The following CIT variants were observed in gnomAD, a reference collection of about 807,000 sequenced individuals.
CIT encodes the protein citron rho-interacting serine/threonine kinase.
Under a neutral mutation model 272.7 loss-of-function variants are expected in CIT, and 79 were observed. The observed-to-expected ratio is 0.29, with a 90% confidence interval of 0.24 to 0.35. The LOEUF is 0.35. Among genes scored for constraint, CIT ranks in the 10% least tolerant of loss-of-function variants. CIT has a pLI of 1.00. For missense variants in CIT, 1,909 were observed against 2,618.3 expected (o/e 0.73, Z 5.91); for synonymous variants, 948 against 995.6 (o/e 0.95, Z 0.90).
chr12:119,724,540 C>T (rs562594818), intron 28 of CIT, among the ~76,000 whole-genome samples: 53 of 152,170 alleles, frequency 3.5e-4, no homozygotes, highest in African/African-American at 1.3e-3. Flanking sequence ...CTATGAGGAG[C>T]GTTGGGGAAG....
At chr12:119,756,245 A>G (rs1960965701) in intron 22 of CIT, among the ~76,000 whole-genome samples, 1 of 152,218 alleles carries the variant, frequency 6.6e-6, no homozygotes, top group Non-Finnish European at 1.5e-5. Flanking sequence ...ATTTTGAACA[A>G]AGAATTGGAC....
chr12:119,826,570 G>A (rs774204251), intron 7 of CIT, among the ~76,000 whole-genome samples: 2 of 152,060 alleles, frequency 1.3e-5, no homozygotes, highest in African/African-American at 4.8e-5. Flanking sequence ...TTATTTTGAC[G>A]TTTTACTGAG....
intron 9 of CIT, among the ~76,000 whole-genome samples, chr12:119,820,740 G>T (rs763984402): frequency 6.2e-4 from 94 of 152,254 alleles, no homozygotes; most frequent in Middle Eastern, 6.8e-3. Context: ...GGAGGCCAAA[G>T]CAGGAGGATC....
rs1272452611 is a variant in CIT at position 119,688,019 on chromosome 12, C to T, written c.*213G>A. ...CAAAGAGATGACTGCAGGGAGGTGC[C>T]CAGGGCAGGCACCGGGCGCTGACAG... On this transcript the variant is annotated 3_prime_UTR_variant, in exon 48 of 48. Transcript: ENST00000392521. The T allele has an allele frequency of 6.6e-6, 4 of 608,894 alleles. No homozygotes were observed. The African/African-American group carries it at 7.4e-5, about 11-fold the overall frequency. 37.7% of individuals were successfully genotyped at this position (608,894 alleles called of 1,614,324 possible).
chr12:119,822,342 T>C (rs988404929), intron 9 of CIT, among the ~76,000 whole-genome samples: 1 of 152,260 alleles, frequency 6.6e-6, no homozygotes, highest in Non-Finnish European at 1.5e-5. Context: ...AGGTTTTACA[T>C]GCTTGTGAGC....
At position 119,728,683 on chromosome 12, in the gene CIT, A is replaced by G; in HGVS notation, c.3487-77T>C. 2 of 985,936 alleles carry G rather than the reference A, an allele frequency of 2.0e-6. No individual in the cohort carries two copies. The highest frequency in any genetic ancestry group is 3.1e-6 in the Non-Finnish European group (2 of 642,314). 61.1% of individuals were successfully genotyped at this position (985,936 alleles called of 1,614,324 possible). A position where few individuals can be genotyped will look rare whatever the true frequency, so the allele number is the denominator to read the frequency against. On this transcript the variant is annotated intron_variant, in intron 27 of 47. Transcript: ENST00000392521. The surrounding 1 kb of genome is among the most constrained non-coding windows in gnomAD (Gnocchi z 4.3). ...TGACAACGTTTATGAATGTCCACGA[A>G]CCTTCACGGAGAAAGAATATTGAGT... is the stretch of plus-strand genomic sequence containing the variant.
At position 119,697,560 on chromosome 12, in the gene CIT, T is replaced by G; in HGVS notation, c.5882+99A>C. 8.0e-7 allele frequency: 1 copy of G among 1,253,078 alleles called. No individual in the cohort carries two copies. Among genetic ancestry groups the G allele is most frequent in the Admixed American group, 2.1e-5 (1 of 46,804 alleles). The allele number at this position is 1,253,078 out of a possible 1,614,324, so 77.6% of individuals were successfully genotyped here. A position where few individuals can be genotyped will look rare whatever the true frequency, so the allele number is the denominator to read the frequency against. On this transcript the variant is annotated intron_variant, in intron 46 of 47. Transcript: ENST00000392521. This position sits in a 1 kb window ranked among gnomAD's most constrained non-coding sequence, Gnocchi z 4.9. ...GAATGGTTTGAGCTTAAGAACAAAG[T>G]GAAGATTGGGAAACATTCTACTGGT...
chr12:119,738,119 C>T (rs985069195), intron 24 of CIT, among the ~76,000 whole-genome samples: 14 of 152,182 alleles, frequency 9.2e-5, no homozygotes, highest in African/African-American at 3.4e-4. Flanking sequence ...CCCAAGGTCA[C>T]TGCTAGTAAA....
rs11437987 is a variant in CIT, at chr12:119,773,014, T to TA, written c.1942-105dup. The TA allele has an allele frequency of 0.34, 196,667 of 577,156 alleles. 13,862 individuals carry two copies. Among genetic ancestry groups the TA allele is most frequent in the Admixed American group, 0.49 (10,056 of 20,386 alleles). 35.8% of individuals were successfully genotyped at this position (577,156 alleles called of 1,614,324 possible). On this transcript the variant is annotated intron_variant, in intron 16 of 47. Transcript: ENST00000392521. ...GTATCCCAGAACTTAAAGTATAATC[T>TA]AAAAAAAAAAAAAAAAAGATAGTGA... is the stretch of plus-strand genomic sequence containing the variant.
intron 22 of CIT, among the ~76,000 whole-genome samples, chr12:119,756,029 G>A (rs1057446415): frequency 2.0e-5 from 3 of 152,112 alleles, no homozygotes; most frequent in Non-Finnish European, 2.9e-5. Context: ...TGCACAAATT[G>A]ACACGCTCCC....
chr12:119,690,552 C>A lies in CIT; in HGVS notation c.5883-98G>T. On this transcript the variant is annotated intron_variant, in intron 46 of 47. Coordinates refer to ENST00000392521, the MANE Select transcript of CIT (RefSeq NM_001206999.2). The surrounding 1 kb of genome is among the most constrained non-coding windows in gnomAD (Gnocchi z 6.0). ...CAACCCCCTCCTTGACCCAGCCTCA[C>A]CACTGATTATCAAGAGATTAGACCT... The A allele has an allele frequency of 8.7e-7, 1 of 1,145,886 alleles. No individual in the cohort carries two copies. Among genetic ancestry groups the A allele is most frequent in the East Asian group, 2.9e-5 (1 of 34,906 alleles). The allele number at this position is 1,145,886 out of a possible 1,614,324, so 71.0% of individuals were successfully genotyped here.
rs1957236062 is a variant in CIT at position 119,712,803 on chromosome 12, G to A, written c.4580-108C>T. On this transcript the variant is annotated intron_variant, in intron 35 of 47. Transcript: ENST00000392521. The surrounding 1 kb of genome is among the most constrained non-coding windows in gnomAD (Gnocchi z 5.2). ...CAAGGGAGAGAGAGACAGGGTACGT[G>A]TGTAAAGAGAGGCGCACGAGAACAA... 1 of 863,916 alleles carries A rather than the reference G, an allele frequency of 1.2e-6. No individual in the cohort carries two copies. Among genetic ancestry groups the A allele is most frequent in the Non-Finnish European group, 1.9e-6 (1 of 537,160 alleles). The allele number at this position is 863,916 out of a possible 1,614,324, so 53.5% of individuals were successfully genotyped here. A position where few individuals can be genotyped will look rare whatever the true frequency, so the allele number is the denominator to read the frequency against.
At chr12:119,857,415 A>C in intron 4 of CIT, 108 bp downstream of exon 4, 2 of 1,118,488 alleles carry the variant, frequency 1.8e-6, no homozygotes, top group Non-Finnish European at 2.5e-6. Context: ...ATATAGAGTC[A>C]CAGAGGAAAA....
At chr12:119,840,268 C>T (rs778758739) in intron 5 of CIT, among the ~76,000 whole-genome samples, 8 of 152,106 alleles carry the variant, frequency 5.3e-5, no homozygotes, top group African/African-American at 9.7e-5. Flanking sequence ...CAATGAGCTA[C>T]GATCGTGCCA....
chr12:119,862,087 G>A (rs1024526478), intron 3 of CIT, among the ~76,000 whole-genome samples: 2 of 152,072 alleles, frequency 1.3e-5, no homozygotes, highest in Non-Finnish European at 2.9e-5. Context: ...TGCAACCTCT[G>A]CCTCCAGGGT....
intron 43 of CIT, 74 bp downstream of exon 43, chr12:119,701,550 C>A (rs1328634101): frequency 6.4e-7 from 1 of 1,550,482 alleles, no homozygotes; most frequent in Non-Finnish European, 8.8e-7. Flanking sequence ...GCTCCATGTA[C>A]CCTCCTCCAA....
intron 9 of CIT, among the ~76,000 whole-genome samples, chr12:119,814,333 GAC>G (rs1593842325): frequency 6.6e-6 from 1 of 152,166 alleles, no homozygotes; most frequent in East Asian, 1.9e-4. Context: ...GCCCCCAAGA[GAC>G]ACATAAATAT....
At position 119,770,707 on chromosome 12, in the gene CIT, A is replaced by G; in HGVS notation, c.2208+78T>C. The G allele has an allele frequency of 6.5e-7, 1 of 1,536,974 alleles. No homozygotes were observed. The highest frequency in any genetic ancestry group is 8.9e-7 in the Non-Finnish European group (1 of 1,120,412). ...AGATACCTCCCTTATTGTGGCGGTT[A>G]ATTCTTCTTCTTACCCCCTTCCCTT... On this transcript the variant is annotated intron_variant, in intron 18 of 47. Coordinates refer to ENST00000392521, the MANE Select transcript of CIT (RefSeq NM_001206999.2). This position sits in a 1 kb window ranked among gnomAD's most constrained non-coding sequence, Gnocchi z 4.4.
At chr12:119,820,629 T>C (rs374497773) in intron 9 of CIT, among the ~76,000 whole-genome samples, 1 of 152,128 alleles carries the variant, frequency 6.6e-6, no homozygotes, top group African/African-American at 2.4e-5. Context: ...TTCCATACTA[T>C]CTTTGCAACT....
Sources: gnomAD v4.1 joint callset for allele counts (sites outside exome capture counted in the v4.1 genomes callset) on GRCh38, gnomAD v4.1.1 for gene constraint, Gnocchi (gnomAD v3.1) non-coding constraint, MANE v1.5 for transcripts, NCBI Gene and HGNC (gene_info 2026-07-23, HGNC 2026-07-21) for gene names.